Variants in PGM2L1 observed in about 807,000 individuals in gnomAD.
PGM2L1 encodes glucose 1,6-bisphosphate synthase.
PGM2L1 carries 35 observed loss-of-function variants against 73.4 expected under a neutral mutation model. The observed-to-expected ratio is 0.48, with a 90% confidence interval of 0.36 to 0.63. The LOEUF (loss-of-function observed/expected upper bound fraction) is 0.63, where lower values mean the gene tolerates loss of function less well. Among genes scored for constraint, PGM2L1 ranks in the 30% least tolerant of loss-of-function variants. The pLI, the probability that PGM2L1 is intolerant of heterozygous loss-of-function variation, is 0.00. For missense variants in PGM2L1, 570 were observed against 742.0 expected, an observed-to-expected ratio of 0.77 and a Z score of 2.69; for synonymous variants, 225 against 253.8, an observed-to-expected ratio of 0.89 and a Z score of 1.08.
chr11:74,396,265 TTA>T (rs1565448058), intron 1 of PGM2L1, among the ~76,000 whole-genome samples: 1 of 57,518 alleles, frequency 1.7e-5, no homozygotes, highest in Non-Finnish European at 5.2e-5. Context: ...GAGACCCTGT[TTA>T]AAAAAAAAAA....
chr11:74,354,936 C>A, intron 5 of PGM2L1: 1 of 925,096 alleles, frequency 1.1e-6, no homozygotes, highest in Non-Finnish European at 1.8e-6. Context: ...GACTGTCATT[C>A]AGAAATACCA....
At chr11:74,343,991 G>C (rs544716059) in intron 9 of PGM2L1, among the ~76,000 whole-genome samples, 103 of 151,876 alleles carry the variant, frequency 6.8e-4, no homozygotes, top group African/African-American at 2.4e-3. Context: ...TGGTCAGGCT[G>C]GTCTTGAACT....
chr11:74,377,810 T>G (rs1187504977), intron 1 of PGM2L1, among the ~76,000 whole-genome samples: 1 of 152,236 alleles, frequency 6.6e-6, no homozygotes, highest in Non-Finnish European at 1.5e-5. Context: ...CTTTTCCCAT[T>G]CACAGAAAGC....
chr11:74,344,756 AG>A (rs1862236560), intron 9 of PGM2L1, among the ~76,000 whole-genome samples: 1 of 152,202 alleles, frequency 6.6e-6, no homozygotes, highest in Non-Finnish European at 1.5e-5. Flanking sequence ...ATCAACTTTC[AG>A]TATCTTCTAT....
At chr11:74,368,680 T>C in intron 4 of PGM2L1, 105 bp from the exon 5 acceptor site, 1 of 850,298 alleles carries the variant, frequency 1.2e-6, no homozygotes, top group Non-Finnish European at 1.9e-6. Flanking sequence ...TATAGTATGA[T>C]ATTGCTTTTG....
intron 6 of PGM2L1, among the ~76,000 whole-genome samples, chr11:74,348,819 T>C (rs183583135): frequency 5.0e-4 from 76 of 152,352 alleles, no homozygotes; most frequent in African/African-American, 1.8e-3. Context: ...TCTTCTATCC[T>C]ATTTTTTCTG....
rs988109151 is a variant in PGM2L1 at position 74,330,535 on chromosome 11, C to G, written c.*6117G>C. On this transcript the variant is annotated 3_prime_UTR_variant, in exon 14 of 14. Coordinates refer to ENST00000298198, the MANE Select transcript of PGM2L1 (RefSeq NM_173582.6). ...ACTTTAGTCAGAAAAATAATTCATT[C>G]TTGACTGCATAAATTTTACCTGGCA... 1 of 152,590 alleles carries G rather than the reference C, an allele frequency of 6.6e-6. No homozygotes were observed. The highest frequency in any genetic ancestry group is 1.5e-5 in the Non-Finnish European group (1 of 68,034). The allele number at this position is 152,590 out of a possible 1,614,324, so 9.5% of individuals were successfully genotyped here. A position where few individuals can be genotyped will look rare whatever the true frequency, so the allele number is the denominator to read the frequency against.
chr11:74,381,147 C>T (rs1044877930), intron 1 of PGM2L1, among the ~76,000 whole-genome samples: 4 of 152,150 alleles, frequency 2.6e-5, no homozygotes, highest in Non-Finnish European at 5.9e-5. Context: ...CTATTACTAG[C>T]TTTATGACCT....
rs1474324349 is a variant in PGM2L1, at chr11:74,336,259, T to C, written c.*393A>G. The C allele has an allele frequency of 2.0e-5, 3 of 152,982 alleles. No homozygotes were observed. The highest frequency in any genetic ancestry group is 6.5e-5 in the Admixed American group (1 of 15,294). 9.5% of individuals were successfully genotyped at this position (152,982 alleles called of 1,614,324 possible). ...ATTTCCTTAACTAACCCTACAATTA[T>C]ATAACATTTACCTGTCTTTTTTTTT... On this transcript the variant is annotated 3_prime_UTR_variant, in exon 14 of 14. Transcript: ENST00000298198.
chr11:74,357,073 TCCTGA>T (rs1200409708), intron 5 of PGM2L1, among the ~76,000 whole-genome samples: 2 of 152,130 alleles, frequency 1.3e-5, no homozygotes, highest in East Asian at 3.9e-4. Flanking sequence ...GGTCTCAAAC[TCCTGA>T]CCTCAGGCAA....
At chr11:74,395,446 G>A (rs1205149052) in intron 1 of PGM2L1, among the ~76,000 whole-genome samples, 1 of 151,398 alleles carries the variant, frequency 6.6e-6, no homozygotes, top group Non-Finnish European at 1.5e-5. Context: ...GAGTGCAGTG[G>A]AACGATCTCA....
intron 4 of PGM2L1, among the ~76,000 whole-genome samples, chr11:74,369,957 G>A (rs904377704): frequency 4.6e-5 from 7 of 152,022 alleles, no homozygotes; most frequent in Admixed American, 3.3e-4. Flanking sequence ...GTGTTGGTCA[G>A]GCTGGTCTCA....
intron 1 of PGM2L1, among the ~76,000 whole-genome samples, chr11:74,388,085 A>G (rs905825422): frequency 9.2e-5 from 14 of 152,176 alleles, no homozygotes; most frequent in Non-Finnish European, 1.6e-4. Context: ...TTTCACTTAT[A>G]TGAGGTATCT....
At chr11:74,355,117 G>C in intron 5 of PGM2L1, 1 of 1,301,750 alleles carries the variant, frequency 7.7e-7, no homozygotes, top group East Asian at 2.3e-5. Context: ...AACTTCAGTG[G>C]TTGTGGTGGC....
At chr11:74,368,974 T>C (rs1862706122) in intron 4 of PGM2L1, among the ~76,000 whole-genome samples, 1 of 152,182 alleles carries the variant, frequency 6.6e-6, no homozygotes, top group African/African-American at 2.4e-5. Flanking sequence ...TCAGTTCCTA[T>C]ACACAAAATT....
chr11:74,362,954 T>C (rs1145687), intron 5 of PGM2L1, among the ~76,000 whole-genome samples: 96,077 of 151,990 alleles, frequency 0.63, 30,553 homozygotes, highest in East Asian at 0.8. Context: ...AGCACCACAT[T>C]GCACTTGTTC....
rs1863210493 is a variant in PGM2L1, at chr11:74,398,165, G to C, written c.-4C>G. On this transcript the variant is annotated 5_prime_UTR_variant, in exon 1 of 14. Transcript: ENST00000298198. ...CCCCCTCTGTGTTTTCAGCCATGGC[G>C]ACCAGACAGGCGTACGGGCCGGGGG... 1 of 1,607,532 alleles carries C rather than the reference G, an allele frequency of 6.2e-7. No homozygotes were observed. Among genetic ancestry groups the C allele is most frequent in the Non-Finnish European group, 8.5e-7 (1 of 1,176,432 alleles).
chr11:74,367,391 C>T (rs1862677340), intron 5 of PGM2L1, among the ~76,000 whole-genome samples: 2 of 151,982 alleles, frequency 1.3e-5, no homozygotes, highest in Admixed American at 6.6e-5. Flanking sequence ...ACACCAATCT[C>T]GTTTAGTCTT....
chr11:74,363,295 C>G (rs1476172587), intron 5 of PGM2L1, among the ~76,000 whole-genome samples: 1 of 152,002 alleles, frequency 6.6e-6, no homozygotes, highest in Non-Finnish European at 1.5e-5. Flanking sequence ...CAGGAAAGAT[C>G]TAAAATTGAC....
Sources: allele counts gnomAD v4.1 joint callset (sites outside exome capture counted in the v4.1 genomes callset), GRCh38; gene constraint gnomAD v4.1.1; transcripts MANE v1.5; gene names NCBI Gene and HGNC (gene_info 2026-07-23, HGNC 2026-07-21).